CFAP57: variants seen among roughly 807,000 people sequenced by gnomAD.
The protein encoded by CFAP57 is cilia and flagella associated protein 57.
A neutral mutation model predicts 146.8 loss-of-function variants in CFAP57; 116 were observed. That is an observed-to-expected ratio of 0.79 (90% CI 0.68 to 0.92). The LOEUF (loss-of-function observed/expected upper bound fraction) is 0.92. CFAP57 is among the 40% of genes least tolerant of loss of function. CFAP57 has a pLI of 0.00. For synonymous variants in CFAP57, 518 were observed against 552.8 expected (o/e 0.94, Z 0.88); for missense variants, 1,377 against 1,527.2 (o/e 0.90, Z 1.64).
In CFAP57 at chr1:43,254,047, C is replaced by T. The variant is rs1330573921; in HGVS notation, c.3609C>T (p.Ile1203=). 1.0e-5 allele frequency: 16 copies of T among 1,550,500 alleles called. No homozygotes were observed. The highest frequency in any genetic ancestry group is 2.0e-5 in the Admixed American group (1 of 50,978). ...RLNEQEETGR[I]IEMQRLEIQR... Reference sequence around the variant, plus strand: ...ATGAGCAAGAAGAAACTGGGAGGATCATTGAAATGCAGCGCCTAGAAATCC... The same window carrying T: ...ATGAGCAAGAAGAAACTGGGAGGATTATTGAAATGCAGCGCCTAGAAATCC... Residue 1203 remains isoleucine, a synonymous_variant, in exon 23 of 23, where the codon ATC becomes ATT. Coordinates refer to ENST00000372492, the MANE Select transcript of CFAP57 (RefSeq NM_001378189.1).
At chr1:43,236,863 C>T (rs924521570) in intron 21 of CFAP57, among the ~76,000 whole-genome samples, 3 of 150,866 alleles carry the variant, frequency 2.0e-5, no homozygotes, top group South Asian at 4.2e-4. Flanking sequence ...GAGCCAAGAT[C>T]GGGCCACTGC....
In CFAP57 at chr1:43,183,676, T is replaced by C. The variant is rs1645511492; in HGVS notation, c.560T>C (p.Leu187Pro). 6.2e-7 allele frequency: 1 copy of C among 1,614,236 alleles called. No individual in the cohort carries two copies. The highest frequency in any genetic ancestry group is 8.5e-7 in the Non-Finnish European group (1 of 1,180,040). ...FKLLRFAEGT[L>P]KQTSFQRGEP... Reference sequence around the variant, plus strand: ...CTTCTCCGTTTTGCTGAGGGAACCCTGAAGCAAACCAGCTTTCAGAGGGGA... The same window carrying C: ...CTTCTCCGTTTTGCTGAGGGAACCCCGAAGCAAACCAGCTTTCAGAGGGGA... The change falls in exon 4 of 23, where the codon CTG becomes CCG. Residue 187 changes from leucine (L) to proline (P), a missense_variant. Physicochemically the swap from Leu to Pro is moderately conservative, Grantham distance 98. Transcript: ENST00000372492.
At chr1:43,213,819 T>A (rs924897785) in intron 11 of CFAP57, among the ~76,000 whole-genome samples, 1 of 152,104 alleles carries the variant, frequency 6.6e-6, no homozygotes, top group Non-Finnish European at 1.5e-5. Flanking sequence ...ATGTTGAGCA[T>A]TTTTTCATAT....
At chr1:43,202,040 A>C (rs913371426) in intron 9 of CFAP57, among the ~76,000 whole-genome samples, 1 of 152,242 alleles carries the variant, frequency 6.6e-6, no homozygotes, top group Non-Finnish European at 1.5e-5. Context: ...TCACCAGTCC[A>C]GGAAAACAGC....
chr1:43,213,448 AC>A (rs1644705774), intron 11 of CFAP57, among the ~76,000 whole-genome samples: 1 of 147,822 alleles, frequency 6.8e-6, no homozygotes. Flanking sequence ...TCATTCATCC[AC>A]TGATGGACAC....
chr1:43,179,306 T>C (rs1183182418), intron 2 of CFAP57, among the ~76,000 whole-genome samples: 2 of 152,094 alleles, frequency 1.3e-5, no homozygotes, highest in Admixed American at 6.5e-5. Flanking sequence ...AGGATATCTA[T>C]GTGAGAGGCG....
At chr1:43,212,935 C>A (rs1212200444) in intron 11 of CFAP57, among the ~76,000 whole-genome samples, 33 of 129,060 alleles carry the variant, frequency 2.6e-4, no homozygotes, top group East Asian at 6.6e-4. Context: ...GACTCTATCT[C>A]AAAAAAAAAA....
chr1:43,210,567 C>T, intron 11 of CFAP57: 1 of 326,002 alleles, frequency 3.1e-6, no homozygotes, highest in Non-Finnish European at 4.6e-6. Context: ...TAAATAAGGC[C>T]AACCACAAAA....
intron 2 of CFAP57, chr1:43,176,992 G>A (rs1415367899): frequency 2.6e-6 from 1 of 381,680 alleles, no homozygotes; most frequent in East Asian, 7.2e-5. Context: ...AGGAGCAAGA[G>A]GGGAGGCAAA....
intron 18 of CFAP57, among the ~76,000 whole-genome samples, chr1:43,228,018 GT>G (rs1447359956): frequency 6.6e-6 from 1 of 152,180 alleles, no homozygotes; most frequent in East Asian, 1.9e-4. Flanking sequence ...TATCACCCTG[GT>G]ACAAGCAGCC....
At chr1:43,227,800 A>G (rs1046059322) in intron 18 of CFAP57, among the ~76,000 whole-genome samples, 9 of 151,948 alleles carry the variant, frequency 5.9e-5, no homozygotes, top group Non-Finnish European at 8.8e-5. Flanking sequence ...TTGATCTAAA[A>G]CCGAATTCTT....
chr1:43,215,512 A>G, intron 12 of CFAP57, 96 bp downstream of exon 12: 1 of 1,446,220 alleles, frequency 6.9e-7, no homozygotes, highest in Non-Finnish European at 9.3e-7. Flanking sequence ...GCCTGGCTAC[A>G]CCCTATGCCC....
At chr1:43,203,842 T>TCC in intron 9 of CFAP57, among the ~76,000 whole-genome samples, 1 of 152,358 alleles carries the variant, frequency 6.6e-6, no homozygotes, top group South Asian at 2.1e-4. Context: ...TTTATCCTAC[T>TCC]TGGAGTTTAT....
intron 14 of CFAP57, 85 bp from the exon 15 acceptor site, chr1:43,222,020 G>T: frequency 2.4e-6 from 3 of 1,227,034 alleles, no homozygotes; most frequent in Non-Finnish European, 3.3e-6. Flanking sequence ...GTGCTGGAAG[G>T]GATGGGAGAG....
intron 11 of CFAP57, among the ~76,000 whole-genome samples, chr1:43,214,254 T>C (rs367597753): frequency 6.6e-5 from 10 of 152,326 alleles, no homozygotes; most frequent in African/African-American, 2.4e-4. Flanking sequence ...TTGAGTTCTT[T>C]GGTATTCTGG....
At chr1:43,232,237 G>T (rs1287772844) in intron 18 of CFAP57, 2 of 597,416 alleles carry the variant, frequency 3.3e-6, no homozygotes, top group East Asian at 5.6e-5. Flanking sequence ...TAATCAGCAT[G>T]GTTGAAGGAA....
chr1:43,180,184 C>T (rs547131005), intron 2 of CFAP57, among the ~76,000 whole-genome samples: 3 of 145,238 alleles, frequency 2.1e-5, no homozygotes, highest in Non-Finnish European at 4.5e-5. Context: ...CCAGCCTGGG[C>T]GACAAGAGTG....
intron 2 of CFAP57, chr1:43,177,321 G>A (rs1645212357): frequency 1.5e-5 from 6 of 402,718 alleles, no homozygotes; most frequent in South Asian, 9.1e-5. Context: ...ATGTGGGGTG[G>A]AAGCAGGAAG....
chr1:43,197,609 CG>C lies in CFAP57; in HGVS notation c.1181del (p.Gly394ValfsTer2). On this transcript the variant is annotated frameshift_variant, in exon 7 of 23. Coordinates refer to ENST00000372492, the MANE Select transcript of CFAP57 (RefSeq NM_001378189.1). LOFTEE classifies it high-confidence loss of function. ...ATCCATTGCACTCAGCACCCATCAC[CG>C]GTCTAGCTACCTGCATCCGCAAACC... ...MYPLHSAPIT[G>X]LATCIRKPLI... 6.2e-7 allele frequency: 1 copy of C among 1,614,124 alleles called. No homozygotes were observed. Among genetic ancestry groups the C allele is most frequent in the Non-Finnish European group, 8.5e-7 (1 of 1,180,026 alleles).
Sources: gnomAD v4.1 joint callset for allele counts (sites outside exome capture counted in the v4.1 genomes callset) on GRCh38, gnomAD v4.1.1 for gene constraint, MANE v1.5 for transcripts, NCBI Gene and HGNC (gene_info 2026-07-23, HGNC 2026-07-21) for gene names.